Variants in FERMT2 observed in about 807,000 individuals in gnomAD.
FERMT2 encodes the protein FERM domain containing kindlin 2.
A neutral mutation model predicts 82.7 loss-of-function variants in FERMT2; 15 were observed. The ratio of observed to expected loss-of-function variants is 0.18; its 90% CI spans 0.12 to 0.28. The LOEUF is 0.28. FERMT2 is among the 10% of genes least tolerant of loss of function. The probability of loss-of-function intolerance (pLI) is 1.00; values close to 1 mark genes in which losing one functional copy is unlikely to be tolerated. For synonymous variants in FERMT2, 274 were observed against 271.5 expected (o/e 1.01, Z -0.09); for missense variants, 645 against 809.4 (o/e 0.80, Z 2.46).
chr14:52,928,214 T>A (rs1313106377), intron 2 of FERMT2: 1 of 230,320 alleles, frequency 4.3e-6, no homozygotes, highest in Non-Finnish European at 9.5e-6. Flanking sequence ...AAGTTTACAT[T>A]AGATAATCTT....
intron 3 of FERMT2, among the ~76,000 whole-genome samples, chr14:52,916,376 A>C (rs1271389815): frequency 1.3e-5 from 2 of 151,040 alleles, no homozygotes; most frequent in Admixed American, 6.6e-5. Context: ...AAAAAAAAAG[A>C]AATAAGCTAT....
At chr14:52,872,656 CAT>C in intron 10 of FERMT2, 141 bp downstream of exon 10, 1 of 705,606 alleles carries the variant, frequency 1.4e-6, no homozygotes, top group Non-Finnish European at 2.3e-6. Flanking sequence ...GTAAAAGAGA[CAT>C]ATCTAAACAT....
intron 7 of FERMT2, among the ~76,000 whole-genome samples, chr14:52,875,570 A>G (rs932905979): frequency 1.3e-5 from 2 of 152,212 alleles, no homozygotes; most frequent in African/African-American, 2.4e-5. Flanking sequence ...CTTTGGACAC[A>G]TACCAATGAA....
chr14:52,872,610 T>C (rs1293920154), intron 10 of FERMT2, among the ~76,000 whole-genome samples, 189 bp downstream of exon 10: 1 of 152,218 alleles, frequency 6.6e-6, no homozygotes, highest in Non-Finnish European at 1.5e-5. Flanking sequence ...AATATTTATG[T>C]GGAATTGAAT....
chr14:52,878,381 G>T (rs1886094607), intron 7 of FERMT2, among the ~76,000 whole-genome samples: 1 of 152,034 alleles, frequency 6.6e-6, no homozygotes, highest in Non-Finnish European at 1.5e-5. Context: ...AAGTACTTAA[G>T]TATACCACTG....
chr14:52,922,116 T>G (rs959175852), intron 2 of FERMT2, among the ~76,000 whole-genome samples: 1 of 152,108 alleles, frequency 6.6e-6, no homozygotes, highest in African/African-American at 2.4e-5. Flanking sequence ...CTTGAGGGGA[T>G]CAGTGAAAGT....
intron 3 of FERMT2, among the ~76,000 whole-genome samples, chr14:52,896,234 G>A: frequency 6.6e-6 from 1 of 152,158 alleles, no homozygotes; most frequent in East Asian, 1.9e-4. Flanking sequence ...ATGTCTGGCA[G>A]CACTATACTA....
At chr14:52,901,706 A>C (rs1887661999) in intron 3 of FERMT2, among the ~76,000 whole-genome samples, 1 of 152,200 alleles carries the variant, frequency 6.6e-6, no homozygotes, top group Non-Finnish European at 1.5e-5. Context: ...GCCAGAGGGA[A>C]TCTTAGTCTT....
At chr14:52,934,355 T>C (rs1366284411) in intron 2 of FERMT2, among the ~76,000 whole-genome samples, 1 of 152,168 alleles carries the variant, frequency 6.6e-6, no homozygotes, top group African/African-American at 2.4e-5. Flanking sequence ...ATTAAAAACA[T>C]TGAGAAGTGT....
At chr14:52,889,606 A>G (rs1319122919) in intron 4 of FERMT2, among the ~76,000 whole-genome samples, 1 of 152,206 alleles carries the variant, frequency 6.6e-6, no homozygotes, top group East Asian at 1.9e-4. Flanking sequence ...AGTTCTGAGA[A>G]ATGTGTCGTT....
chr14:52,861,285 TA>T (rs1884920887), intron 12 of FERMT2: 1 of 454,814 alleles, frequency 2.2e-6, no homozygotes, highest in Non-Finnish European at 3.8e-6. Context: ...TTTAGAATGT[TA>T]AATGTTGCTA....
chr14:52,921,095 AACAC>A (rs879811481), intron 2 of FERMT2, among the ~76,000 whole-genome samples: 1 of 152,164 alleles, frequency 6.6e-6, no homozygotes, highest in African/African-American at 2.4e-5. Flanking sequence ...TAGAAATTGA[AACAC>A]ACACACACAT....
chr14:52,932,607 G>A (rs927658462), intron 2 of FERMT2, among the ~76,000 whole-genome samples: 1 of 152,044 alleles, frequency 6.6e-6, no homozygotes, highest in African/African-American at 2.4e-5. Flanking sequence ...AAGCAATTAA[G>A]AAAAATAATA....
intron 3 of FERMT2, among the ~76,000 whole-genome samples, chr14:52,901,365 G>A (rs1887639557): frequency 6.6e-6 from 1 of 151,764 alleles, no homozygotes; most frequent in East Asian, 1.9e-4. Context: ...AGGCTTCTGG[G>A]GTGGGCAGAA....
chr14:52,950,364 A>G (rs774789635), intron 2 of FERMT2, 48 bp downstream of exon 2: 10 of 1,584,324 alleles, frequency 6.3e-6, no homozygotes, highest in Non-Finnish European at 8.6e-6. Flanking sequence ...TCCTCCCCCT[A>G]CCAATTCTGG....
intron 6 of FERMT2, among the ~76,000 whole-genome samples, chr14:52,879,404 C>T (rs966489850): frequency 2.6e-5 from 4 of 151,924 alleles, no homozygotes; most frequent in African/African-American, 4.8e-5. Context: ...GTTGAGTGTC[C>T]CTAACATAAA....
Position 52,926,255 on chromosome 14 carries a change from T to A in FERMT2, c.158-6899A>T, listed in dbSNP as rs114671381. Among the ~76,000 whole-genome samples the A allele has an allele frequency of 9.2e-3, 1,407 of 152,340 alleles. 21 individuals are homozygous for A. The highest frequency in any genetic ancestry group is 0.032 in the African/African-American group (1,323 of 41,566). On this transcript the variant is annotated intron_variant, in intron 2 of 14. Coordinates refer to ENST00000341590, the MANE Select transcript of FERMT2 (RefSeq NM_006832.3). ...AAATCCATAATGAAATAACTGTTGATATTCCCTGAATTTGCATAAACTAAA... is the reference window on the plus strand; with the variant it reads ...AAATCCATAATGAAATAACTGTTGAAATTCCCTGAATTTGCATAAACTAAA...
chr14:52,906,115 G>C (rs918492867), intron 3 of FERMT2, among the ~76,000 whole-genome samples: 2 of 152,212 alleles, frequency 1.3e-5, no homozygotes, highest in Admixed American at 1.3e-4. Flanking sequence ...GGCGCATGGG[G>C]CCTGGTCTTG....
chr14:52,928,931 C>A (rs117608424), intron 2 of FERMT2, among the ~76,000 whole-genome samples: 1,794 of 152,222 alleles, frequency 0.012, 53 homozygotes, highest in East Asian at 0.074. Flanking sequence ...CTTCTAGGAA[C>A]CGTGTGCTTC....
Sources: allele counts gnomAD v4.1 joint callset (sites outside exome capture counted in the v4.1 genomes callset), GRCh38; gene constraint gnomAD v4.1.1; transcripts MANE v1.5; gene names NCBI Gene and HGNC (gene_info 2026-07-23, HGNC 2026-07-21).